Variants in CADM2 observed in about 807,000 individuals in gnomAD.
CADM2 encodes cell adhesion molecule 2, also known as immunoglobulin superfamily member 4D.
CADM2 carries 12 observed loss-of-function variants against 49.8 expected under a neutral mutation model. The ratio of observed to expected loss-of-function variants is 0.24; its 90% CI spans 0.15 to 0.39. CADM2 has a LOEUF of 0.39. CADM2 is among the 10% of genes least tolerant of loss of function. The probability of loss-of-function intolerance (pLI) is 1.00; values close to 1 mark genes in which losing one functional copy is unlikely to be tolerated. For missense variants in CADM2, 378 were observed against 492.3 expected, an observed-to-expected ratio of 0.77 and a Z score of 2.20; for synonymous variants, 214 against 175.4, an observed-to-expected ratio of 1.22 and a Z score of -1.74.
At chr3:85,542,637 A>G (rs1445322730) in intron 1 of CADM2, among the ~76,000 whole-genome samples, 1 of 152,168 alleles carries the variant, frequency 6.6e-6, no homozygotes, top group Non-Finnish European at 1.5e-5. Flanking sequence ...GCTTACATAT[A>G]AATATATTGA....
intron 1 of CADM2, among the ~76,000 whole-genome samples, chr3:85,289,842 T>A (rs935504287): frequency 1.3e-5 from 2 of 152,186 alleles, no homozygotes; most frequent in Non-Finnish European, 2.9e-5. Context: ...TTATGTTAGA[T>A]AGTTACTAAA....
intron 1 of CADM2, among the ~76,000 whole-genome samples, chr3:85,395,312 A>T (rs1040696406): frequency 2.1e-4 from 32 of 151,480 alleles, no homozygotes; most frequent in African/African-American, 7.2e-4. Context: ...AAAAAAAAAA[A>T]AAAAGGAAAG....
intron 1 of CADM2, among the ~76,000 whole-genome samples, chr3:85,483,753 T>C (rs2039307441): frequency 6.6e-6 from 1 of 151,192 alleles, no homozygotes. Context: ...TAATGTTGAA[T>C]AAGGAGTAAT....
intron 1 of CADM2, among the ~76,000 whole-genome samples, chr3:85,185,714 TC>T (rs2041045313): frequency 6.6e-6 from 1 of 152,158 alleles, no homozygotes; most frequent in African/African-American, 2.4e-5. Flanking sequence ...CAATGGAGCC[TC>T]TGAGGATTTG....
chr3:85,447,723 C>T (rs2037535697), intron 1 of CADM2, among the ~76,000 whole-genome samples: 1 of 152,154 alleles, frequency 6.6e-6, no homozygotes, highest in Non-Finnish European at 1.5e-5. Flanking sequence ...AACTGTTATA[C>T]TGAATCAGAA....
At chr3:85,267,418 A>G (rs563007741) in intron 1 of CADM2, among the ~76,000 whole-genome samples, 25 of 151,734 alleles carry the variant, frequency 1.6e-4, no homozygotes, top group Non-Finnish European at 3.7e-4. Flanking sequence ...TGAACTCTCC[A>G]TGTCACTGCC....
intron 1 of CADM2, among the ~76,000 whole-genome samples, chr3:85,399,113 T>C (rs529767166): frequency 6.6e-6 from 1 of 152,342 alleles, no homozygotes; most frequent in South Asian, 2.1e-4. Flanking sequence ...CTAGGTTTTC[T>C]TCTAGGGTTT....
chr3:85,738,546 T>C (rs932988202), intron 2 of CADM2, among the ~76,000 whole-genome samples: 10 of 152,214 alleles, frequency 6.6e-5, no homozygotes, highest in Admixed American at 3.9e-4. Context: ...CAGTAGGTCA[T>C]TTCAGCATGA....
At chr3:85,596,448 A>G (rs1436269779) in intron 1 of CADM2, among the ~76,000 whole-genome samples, 1 of 152,126 alleles carries the variant, frequency 6.6e-6, no homozygotes, top group Non-Finnish European at 1.5e-5. Context: ...GCTGTTTAAA[A>G]AGTTAACAGC....
intron 5 of CADM2, among the ~76,000 whole-genome samples, chr3:85,897,239 A>ATTTTT (rs1559728598): frequency 1.2e-5 from 1 of 82,240 alleles, no homozygotes; most frequent in African/African-American, 4.8e-5. Flanking sequence ...TTTAACCTAC[A>ATTTTT]TCTTTTTTTT....
At chr3:85,285,063 A>G (rs920652643) in intron 1 of CADM2, among the ~76,000 whole-genome samples, 1 of 152,072 alleles carries the variant, frequency 6.6e-6, no homozygotes, top group African/African-American at 2.4e-5. Flanking sequence ...TGCAGATAGG[A>G]TTTGCTGATG....
At chr3:85,808,017 A>T (rs1163977466) in intron 3 of CADM2, among the ~76,000 whole-genome samples, 1 of 152,174 alleles carries the variant, frequency 6.6e-6, no homozygotes, top group East Asian at 1.9e-4. Flanking sequence ...GTGTTCATTG[A>T]CACCCCATTA....
At chr3:85,417,193 T>C (rs1462078597) in intron 1 of CADM2, among the ~76,000 whole-genome samples, 2 of 152,222 alleles carry the variant, frequency 1.3e-5, no homozygotes, top group Non-Finnish European at 2.9e-5. Flanking sequence ...TACCCATTTA[T>C]TTCTTTCTAG....
intron 5 of CADM2, among the ~76,000 whole-genome samples, chr3:85,893,310 T>C (rs1184541398): frequency 1.3e-5 from 2 of 152,114 alleles, no homozygotes; most frequent in Non-Finnish European, 2.9e-5. Context: ...AAGCTGAAAC[T>C]GGATCCCTTC....
intron 1 of CADM2, among the ~76,000 whole-genome samples, chr3:85,443,158 GGT>G (rs376568202): frequency 4.0e-5 from 6 of 151,610 alleles, no homozygotes; most frequent in African/African-American, 1.5e-4. Context: ...CCTCAAATAG[GGT>G]GTGTTTGAAG....
intron 6 of CADM2, among the ~76,000 whole-genome samples, chr3:85,916,746 C>T (rs539728508): frequency 6.6e-6 from 1 of 152,076 alleles, no homozygotes; most frequent in East Asian, 1.9e-4. Flanking sequence ...GGAATCACCA[C>T]ACTGACTTCC....
chr3:85,258,778 A>G lies in CADM2; in HGVS notation c.61+299110A>G, dbSNP rs112714834. 6.9e-3 allele frequency among the ~76,000 whole-genome samples: 1,058 copies of G among 152,266 alleles called. 10 individuals carry two copies. Among genetic ancestry groups the G allele is most frequent in the African/African-American group, 0.023 (970 of 41,572 alleles). ...ACTTTGTTTTAAATGATTATGTTCC[A>G]GGTAAAATGGAACAACAATTAAACG... On this transcript the variant is annotated intron_variant, in intron 1 of 9. Transcript: ENST00000383699.
At chr3:85,280,096 A>G (rs1206649646) in intron 1 of CADM2, among the ~76,000 whole-genome samples, 1 of 151,598 alleles carries the variant, frequency 6.6e-6, no homozygotes, top group East Asian at 1.9e-4. Flanking sequence ...TATCATTGCC[A>G]AGACCAATAA....
At chr3:85,189,010 A>G (rs1404613196) in intron 1 of CADM2, among the ~76,000 whole-genome samples, 1 of 151,656 alleles carries the variant, frequency 6.6e-6, no homozygotes, top group Admixed American at 6.6e-5. Context: ...CAGCCTGGGC[A>G]ACAGATTGTG....
Sources: allele counts gnomAD v4.1 joint callset (sites outside exome capture counted in the v4.1 genomes callset), GRCh38; gene constraint gnomAD v4.1.1; transcripts MANE v1.5; gene names NCBI Gene and HGNC (gene_info 2026-07-23, HGNC 2026-07-21).